The following GBX2 variants were observed in gnomAD, a reference collection of about 807,000 sequenced individuals.
GBX2 encodes homeobox protein GBX-2.
In GBX2, 5 loss-of-function variants were observed where a neutral mutation model predicts 22.4. The observed-to-expected ratio is 0.22, with a 90% CI of 0.12 to 0.47. GBX2 has a LOEUF of 0.47. GBX2 is among the 20% of genes least tolerant of loss of function. GBX2 has a pLI of 0.99. For synonymous variants in GBX2, 220 were observed against 230.5 expected (o/e 0.95, Z 0.41); for missense variants, 470 against 495.4 (o/e 0.95, Z 0.49).
At position 236,166,962 on chromosome 2, in the gene GBX2, A is replaced by G. The variant is rs1031492738; in HGVS notation, c.523+487T>C. Among the ~76,000 whole-genome samples, 1 of 152,200 alleles carries G rather than the reference A, an allele frequency of 6.6e-6. No homozygotes were observed. The highest frequency in any genetic ancestry group is 1.5e-5 in the Non-Finnish European group (1 of 68,038). ...GGTCAAAGGGATGTTTTGTGGCCTT[A>G]TAAGTTCCCACCAGACACCCCCAAC... is the stretch of plus-strand genomic sequence containing the variant. On this transcript the variant is annotated intron_variant, in intron 1 of 1. Transcript: ENST00000306318. The surrounding 1 kb of genome is among the most constrained non-coding windows in gnomAD (Gnocchi z 6.6).
chr2:236,167,310 G>C (rs1011783875), intron 1 of GBX2, 139 bp downstream of exon 1: 34 of 1,387,342 alleles, frequency 2.5e-5, no homozygotes, highest in Middle Eastern at 2.4e-4. Context: ...GGCACAGCCG[G>C]GCCTCATCCT....
chr2:236,167,398 C>T (rs2060246482), intron 1 of GBX2, 51 bp downstream of exon 1: 2 of 1,420,306 alleles, frequency 1.4e-6, no homozygotes, highest in Admixed American at 3.0e-5. Context: ...CGCTGGCCCG[C>T]CCCCGCCTCC....
At position 236,165,812 on chromosome 2, in the gene GBX2, G is replaced by A. The variant is rs1245355356; in HGVS notation, c.*102C>T. 1.1e-6 allele frequency: 1 copy of A among 924,022 alleles called. No individual in the cohort carries two copies. The highest frequency in any genetic ancestry group is 1.7e-6 in the Non-Finnish European group (1 of 598,092). The allele number at this position is 924,022 out of a possible 1,614,324, so 57.2% of individuals were successfully genotyped here. ...AATTTGCTTGGGATGGCCACAGCTG[G>A]GCTGTGACTTTGTTGCTTCAAACAC... On this transcript the variant is annotated 3_prime_UTR_variant, in exon 2 of 2. Coordinates refer to ENST00000306318, the MANE Select transcript of GBX2 (RefSeq NM_001485.4).
rs372673833 is a variant in GBX2, at chr2:236,166,454, A to G, written c.524-17T>C. 8 of 1,597,492 alleles carry G rather than the reference A, an allele frequency of 5.0e-6. No homozygotes were observed. In the African/African-American group the frequency reaches 1.1e-4, roughly 21 times the overall value. On this transcript the variant is annotated splice_polypyrimidine_tract_variant and intron_variant, in intron 1 of 1. Coordinates refer to ENST00000306318, the MANE Select transcript of GBX2 (RefSeq NM_001485.4). The surrounding 1 kb of genome is among the most constrained non-coding windows in gnomAD (Gnocchi z 6.6). ...CAGCCCCGACTGAAAGCAAAACCAA[A>G]CGGCATTTTATTACATTTCGCACAC...
rs1184099699 is a variant in GBX2, at chr2:236,166,449, A to G, written c.524-12T>C. On this transcript the variant is annotated splice_polypyrimidine_tract_variant and intron_variant, in intron 1 of 1. Transcript: ENST00000306318. The surrounding 1 kb of genome is among the most constrained non-coding windows in gnomAD (Gnocchi z 6.6). ...TCGGACAGCCCCGACTGAAAGCAAA[A>G]CCAAACGGCATTTTATTACATTTCG... The G allele has an allele frequency of 8.8e-6, 14 of 1,599,908 alleles. No individual in the cohort carries two copies. Among genetic ancestry groups the G allele is most frequent in the Non-Finnish European group, 1.2e-5 (14 of 1,170,014 alleles).
At position 236,165,510 on chromosome 2, in the gene GBX2, C is replaced by T. The variant is rs2060233389; in HGVS notation, c.*404G>A. ...ACCAAAATCAGTTTAAACCCCAGTG[C>T]TTGTTCTTGGGTTTCACGTTTACCT... is the stretch of plus-strand genomic sequence containing the variant. On this transcript the variant is annotated 3_prime_UTR_variant, in exon 2 of 2. Coordinates refer to ENST00000306318, the MANE Select transcript of GBX2 (RefSeq NM_001485.4). The T allele has an allele frequency of 6.0e-6, 1 of 165,812 alleles. No individual in the cohort carries two copies. Among genetic ancestry groups the T allele is most frequent in the Non-Finnish European group, 1.3e-5 (1 of 76,226 alleles). The allele number at this position is 165,812 out of a possible 1,614,324, so 10.3% of individuals were successfully genotyped here. A position where few individuals can be genotyped will look rare whatever the true frequency, so the allele number is the denominator to read the frequency against.
chr2:236,162,641 T>C (rs939425525), downstream of GBX2, among the ~76,000 whole-genome samples: 1 of 152,190 alleles, frequency 6.6e-6, no homozygotes. Flanking sequence ...GTGGCCCCCC[T>C]CCGACCTCTG....
chr2:236,164,835 AT>A (rs2060229273), downstream of GBX2, among the ~76,000 whole-genome samples: 2 of 152,058 alleles, frequency 1.3e-5, no homozygotes, highest in African/African-American at 4.8e-5. Context: ...CGGGCCGGAG[AT>A]ATTTGTAAAG....
Position 236,165,878 on chromosome 2 carries a change from T to G in GBX2, c.*36A>C, listed in dbSNP as rs770622710. The G allele has an allele frequency of 1.8e-5, 28 of 1,545,196 alleles. No individual in the cohort carries two copies. In the South Asian group the frequency reaches 3.3e-4, roughly 18 times the overall value. ...GGGTTCCCTCGGGTGCGGGGGCTTCTCCAGGTGGGTGCCAGGCCCTGGCCC... is the reference window on the plus strand; with the variant it reads ...GGGTTCCCTCGGGTGCGGGGGCTTCGCCAGGTGGGTGCCAGGCCCTGGCCC... On this transcript the variant is annotated 3_prime_UTR_variant, in exon 2 of 2. Coordinates refer to ENST00000306318, the MANE Select transcript of GBX2 (RefSeq NM_001485.4).
chr2:236,167,716 G>C lies in GBX2; in HGVS notation c.256C>G (p.Leu86Val), dbSNP rs779063164. 1 of 1,561,068 alleles carries C rather than the reference G, an allele frequency of 6.4e-7. No individual in the cohort carries two copies. Among genetic ancestry groups the C allele is most frequent in the Non-Finnish European group, 8.6e-7 (1 of 1,156,796 alleles). ...PAHPHHQIPSLPTGFCSSLAQ... is the reference protein window; with the variant it reads ...PAHPHHQIPSVPTGFCSSLAQ... ...AGGCTGGAGCAGAAGCCTGTGGGCA[G>C]GCTGGGGATCTGGTGGTGAGGGTGT... The change falls in exon 1 of 2, where the codon CTG becomes GTG. Residue 86 changes from leucine (L) to valine (V), a missense_variant. Transcript: ENST00000306318.
chr2:236,167,401 C>CTT (rs1403932735), intron 1 of GBX2, 48 bp downstream of exon 1: 1 of 1,423,748 alleles, frequency 7.0e-7, no homozygotes, highest in East Asian at 2.8e-5. Flanking sequence ...TGGCCCGCCC[C>CTT]CGCCTCCTCC....
chr2:236,167,624 G>A lies in GBX2; in HGVS notation c.348C>T (p.Pro116=). ...ATLPGGFSAS[P]QHQEAAAARK... is the part of the protein sequence containing the mutation. ...GGGCCGCTGCCGCCTCCTGGTGCTG[G>A]GGCGACGCGGAGAAGCCGCCGGGGA... Residue 116 remains proline (P), a synonymous_variant, in exon 1 of 2, where the codon CCC becomes CCT. Transcript: ENST00000306318. The A allele has an allele frequency of 1.9e-6, 3 of 1,593,614 alleles. No individual in the cohort carries two copies. Among genetic ancestry groups the A allele is most frequent in the Admixed American group, 1.7e-5 (1 of 59,268 alleles).
downstream of GBX2, among the ~76,000 whole-genome samples, chr2:236,161,842 C>T (rs959998850): frequency 1.3e-5 from 2 of 152,208 alleles, no homozygotes; most frequent in South Asian, 2.1e-4. Context: ...CTCTGCTGCC[C>T]GCGCTGCTGA....
chr2:236,161,434 G>A (rs149986637), downstream of GBX2, among the ~76,000 whole-genome samples: 1,321 of 152,318 alleles, frequency 8.7e-3, 10 homozygotes, highest in Non-Finnish European at 0.012. Context: ...TTACTCTGCC[G>A]GTGTGATTTG....
At position 236,165,957 on chromosome 2, in the gene GBX2, G is replaced by A. The variant is rs777837387; in HGVS notation, c.1004C>T (p.Ala335Val). 2.5e-6 allele frequency: 4 copies of A among 1,614,016 alleles called. No homozygotes were observed. The African/African-American group carries it at 5.3e-5, about 22-fold the overall frequency. The part of the protein sequence containing the change: ...VPIPVHVSRF[A>V]IRSQHQQLEQ... ...TAGCTGCTGATGCTGACTTCTGATA[G>A]CGAACCTGCTGACGTGGACAGGGAT... The change falls in exon 2 of 2, where the codon GCT becomes GTT. Residue 335 changes from alanine (A) to valine (V), a missense_variant. Ala to Val is a moderately conservative substitution (Grantham distance 64). Around this residue, in one of 4 missense-constraint regions of GBX2, gnomAD observed 50 missense variants for 59.1 expected, o/e 0.85. Coordinates refer to ENST00000306318, the MANE Select transcript of GBX2 (RefSeq NM_001485.4).
rs1300710949 is a variant in GBX2 at position 236,166,873 on chromosome 2, T to TA, written c.524-437dup. 3.3e-5 allele frequency among the ~76,000 whole-genome samples: 5 copies of TA among 152,196 alleles called. No individual in the cohort carries two copies. In the South Asian group the frequency reaches 1.0e-3, roughly 32 times the overall value. On this transcript the variant is annotated intron_variant, in intron 1 of 1. Coordinates refer to ENST00000306318, the MANE Select transcript of GBX2 (RefSeq NM_001485.4). This position sits in a 1 kb window ranked among gnomAD's most constrained non-coding sequence, Gnocchi z 6.6. The stretch of plus-strand genomic sequence containing the variant: ...AATGTAGTGAACCTCAATTGCTTCC[T>TA]AACCGGAGTGGAGGCGTAGGGACGT...
At position 236,166,352 on chromosome 2, in the gene GBX2, G is replaced by A. The variant is rs772915526; in HGVS notation, c.609C>T (p.Ser203=). 6.8e-6 allele frequency: 11 copies of A among 1,613,940 alleles called. No individual in the cohort carries two copies. Among genetic ancestry groups the A allele is most frequent in the Non-Finnish European group, 9.3e-6 (11 of 1,180,016 alleles). ...TGTCATCCGAGCTGTAGTCCACATC[G>A]CTCTCCAGCGAGAAGCTCTCCTCCT... ...KGKEESFSLE[S]DVDYSSDDNL... The change falls in exon 2 of 2, where the codon AGC becomes AGT. Residue 203 remains serine (S), a synonymous_variant. Coordinates refer to ENST00000306318, the MANE Select transcript of GBX2 (RefSeq NM_001485.4). This position sits in a 1 kb window ranked among gnomAD's most constrained non-coding sequence, Gnocchi z 6.6.
downstream of GBX2, among the ~76,000 whole-genome samples, chr2:236,162,706 T>TG (rs1296757483): frequency 6.6e-6 from 1 of 152,132 alleles, no homozygotes; most frequent in African/African-American, 2.4e-5. Flanking sequence ...AGTGCACGGC[T>TG]GGGGGGCGCA....
chr2:236,164,595 G>A (rs1234276498), downstream of GBX2, among the ~76,000 whole-genome samples: 4 of 152,246 alleles, frequency 2.6e-5, no homozygotes, highest in South Asian at 2.1e-4. Flanking sequence ...TTTGTGGTGC[G>A]GACTACCGGG....
Sources: allele counts gnomAD v4.1 joint callset (sites outside exome capture counted in the v4.1 genomes callset), GRCh38; gene constraint gnomAD v4.1.1; regional missense constraint gnomAD v4.1.1; non-coding constraint Gnocchi (gnomAD v3.1); transcripts MANE v1.5; gene names NCBI Gene and HGNC (gene_info 2026-07-23, HGNC 2026-07-21).